CNTN6: variants seen among roughly 807,000 people sequenced by gnomAD.
CNTN6 encodes the protein contactin-6.
In CNTN6, 137 loss-of-function variants were observed where a neutral mutation model predicts 122.8. The ratio of observed to expected loss-of-function variants is 1.12; its 90% CI spans 0.97 to 1.29. CNTN6 has a LOEUF of 1.29. Ranked by LOEUF, CNTN6 falls within the 50% of genes most tolerant of loss-of-function variation. CNTN6 has a pLI of 0.00. For synonymous variants in CNTN6, 570 were observed against 426.0 expected, an observed-to-expected ratio of 1.34 and a Z score of -4.16; for missense variants, 1,634 against 1,223.4, an observed-to-expected ratio of 1.34 and a Z score of -5.01.
chr3:1,108,579 TGAGCTGTTTAGAATTAA>T (rs1258549539), intron 1 of CNTN6, among the ~76,000 whole-genome samples: 5 of 152,164 alleles, frequency 3.3e-5, no homozygotes, highest in Non-Finnish European at 7.4e-5. Context: ...GTAATATCAT[TGAGCTGTTTAGAATTAA>T]GTTTGTATTA....
At chr3:1,147,513 AAACT>A (rs1313435209) in intron 1 of CNTN6, among the ~76,000 whole-genome samples, 5 of 152,250 alleles carry the variant, frequency 3.3e-5, no homozygotes, top group Admixed American at 2.6e-4. Context: ...GCTAAAGGCC[AAACT>A]AACATTTTAT....
chr3:1,285,188 T>C (rs1694127463), intron 5 of CNTN6, among the ~76,000 whole-genome samples: 1 of 152,176 alleles, frequency 6.6e-6, no homozygotes, highest in South Asian at 2.1e-4. Flanking sequence ...CAGTCTTCAG[T>C]ATGTATTTAT....
At chr3:1,320,902 A>G (rs1275542755) in intron 7 of CNTN6, among the ~76,000 whole-genome samples, 1 of 151,674 alleles carries the variant, frequency 6.6e-6, no homozygotes, top group Admixed American at 6.6e-5. Flanking sequence ...AAAATAATAG[A>G]TATGAGAAAG....
intron 11 of CNTN6, 56 bp downstream of exon 11, chr3:1,329,991 A>T (rs149277958): frequency 0.021 from 29,447 of 1,377,856 alleles, 467 homozygotes; most frequent in Middle Eastern, 0.051. Flanking sequence ...CATCTTCCAA[A>T]TTTTTAGGTT....
chr3:1,393,982 T>G (rs2126236405), intron 20 of CNTN6, among the ~76,000 whole-genome samples: 1 of 152,124 alleles, frequency 6.6e-6, no homozygotes, highest in Admixed American at 6.5e-5. Context: ...TTGAAGCACC[T>G]TCTTCCCTGC....
intron 2 of CNTN6, among the ~76,000 whole-genome samples, chr3:1,202,753 A>C (rs2093903635): frequency 6.6e-6 from 1 of 152,110 alleles, no homozygotes. Flanking sequence ...CAGGGAATGA[A>C]CCGGTTTTCC....
At chr3:1,124,557 C>A (rs547929552) in intron 1 of CNTN6, among the ~76,000 whole-genome samples, 1 of 151,752 alleles carries the variant, frequency 6.6e-6, no homozygotes, top group Non-Finnish European at 1.5e-5. Context: ...TGGGAGGGAC[C>A]TGAGAGATAA....
intron 4 of CNTN6, among the ~76,000 whole-genome samples, chr3:1,274,965 AC>A (rs1692053839): frequency 6.6e-6 from 1 of 151,850 alleles, no homozygotes; most frequent in Non-Finnish European, 1.5e-5. Flanking sequence ...CAACGCCCCC[AC>A]CCAAATCAGT....
intron 11 of CNTN6, among the ~76,000 whole-genome samples, chr3:1,345,914 TCTAA>T (rs1165072091): frequency 2.0e-5 from 3 of 151,856 alleles, no homozygotes; most frequent in African/African-American, 7.3e-5. Flanking sequence ...CAGTTAATAA[TCTAA>T]CTATAAAAAT....
At chr3:1,201,412 G>A (rs2093870646) in intron 2 of CNTN6, among the ~76,000 whole-genome samples, 1 of 151,944 alleles carries the variant, frequency 6.6e-6, no homozygotes, top group Non-Finnish European at 1.5e-5. Flanking sequence ...TTCTCATGGA[G>A]TTTTGTTGAG....
chr3:1,158,873 T>C lies in CNTN6; in HGVS notation c.55+10810T>C, dbSNP rs200950825. Among the ~76,000 whole-genome samples, 15 of 48,798 alleles carry C rather than the reference T, an allele frequency of 3.1e-4. 1 individual carries two copies. Among genetic ancestry groups the C allele is most frequent in the Non-Finnish European group, 5.6e-4 (13 of 23,398 alleles). 32.0% of individuals were successfully genotyped at this position (48,798 alleles called of 152,430 possible). On this transcript the variant is annotated intron_variant, in intron 2 of 22. Transcript: ENST00000446702. ...ACATACATATATATACACACATATA[T>C]ATACACATATATACACACATATATA... is the stretch of plus-strand genomic sequence containing the variant.
intron 4 of CNTN6, among the ~76,000 whole-genome samples, chr3:1,253,340 A>G (rs1004712178): frequency 3.3e-5 from 5 of 152,174 alleles, no homozygotes; most frequent in African/African-American, 1.2e-4. Flanking sequence ...TGAGATCTCA[A>G]TAGATAGTGA....
chr3:1,195,347 ATCT>A (rs767040984), intron 2 of CNTN6, among the ~76,000 whole-genome samples: 5 of 152,108 alleles, frequency 3.3e-5, no homozygotes, highest in East Asian at 1.9e-4. Flanking sequence ...TTCAATGGTA[ATCT>A]TCTCCTGATT....
chr3:1,104,857 C>T (rs2124984503), intron 1 of CNTN6, among the ~76,000 whole-genome samples: 1 of 152,200 alleles, frequency 6.6e-6, no homozygotes, highest in Non-Finnish European at 1.5e-5. Context: ...TCTCAAGTAT[C>T]ATTAAATATT....
chr3:1,389,642 C>G (rs911492767), intron 20 of CNTN6, among the ~76,000 whole-genome samples: 14 of 147,602 alleles, frequency 9.5e-5, no homozygotes, highest in Non-Finnish European at 1.5e-4. Context: ...CAGTCAAGAC[C>G]CATCAGTGTG....
Position 1,097,613 on chromosome 3 carries a change from G to T in CNTN6, c.-83+4493G>T, listed in dbSNP as rs57147951. 9.9e-3 allele frequency among the ~76,000 whole-genome samples: 1,504 copies of T among 152,240 alleles called. 26 individuals are homozygous for T. Among genetic ancestry groups the T allele is most frequent in the African/African-American group, 0.035 (1,444 of 41,550 alleles). On this transcript the variant is annotated intron_variant, in intron 1 of 22. Coordinates refer to ENST00000446702, the MANE Select transcript of CNTN6 (RefSeq NM_001289080.2). ...CCTTCCCTATATCTAGCACAGAATA[G>T]CTCTGTGGTCTTAGGCAAGTTTCTT... is the stretch of plus-strand genomic sequence containing the variant.
chr3:1,299,334 ATAAT>A (rs1453815182), intron 7 of CNTN6, among the ~76,000 whole-genome samples: 2 of 152,156 alleles, frequency 1.3e-5, no homozygotes, highest in African/African-American at 2.4e-5. Context: ...TGATAATTAG[ATAAT>A]TAATTTTAAA....
At chr3:1,227,114 A>G (rs1027010067) in intron 3 of CNTN6, among the ~76,000 whole-genome samples, 1 of 152,214 alleles carries the variant, frequency 6.6e-6, no homozygotes, top group Non-Finnish European at 1.5e-5. Context: ...GAAAGTAAAT[A>G]TAACTCTAAG....
chr3:1,303,805 A>T lies in CNTN6; in HGVS notation c.761+5814A>T, dbSNP rs150704416. Among the ~76,000 whole-genome samples, 181 of 152,208 alleles carry T rather than the reference A, an allele frequency of 1.2e-3. 1 individual carries two copies. The highest frequency in any genetic ancestry group is 4.2e-3 in the African/African-American group (173 of 41,544). On this transcript the variant is annotated intron_variant, in intron 7 of 22. Coordinates refer to ENST00000446702, the MANE Select transcript of CNTN6 (RefSeq NM_001289080.2). ...TTTATTAAAAAGCTTTTTGAACTTTATTTTGATAGGCAGTTGTTATACTAC... is the reference window on the plus strand; with the variant it reads ...TTTATTAAAAAGCTTTTTGAACTTTTTTTTGATAGGCAGTTGTTATACTAC...
Sources: gnomAD v4.1 joint callset for allele counts (sites outside exome capture counted in the v4.1 genomes callset) on GRCh38, gnomAD v4.1.1 for gene constraint, MANE v1.5 for transcripts, NCBI Gene and HGNC (gene_info 2026-07-23, HGNC 2026-07-21) for gene names.